Variants in CWC27 observed in about 807,000 individuals in gnomAD.
CWC27 encodes the protein spliceosome-associated protein CWC27 homolog.
Under a neutral mutation model 63.6 loss-of-function variants are expected in CWC27, and 47 were observed. The observed-to-expected ratio is 0.74, with a 90% CI of 0.58 to 0.94. The LOEUF (loss-of-function observed/expected upper bound fraction) is 0.94, where lower values mean the gene tolerates loss of function less well. CWC27 is among the 40% of genes least tolerant of loss of function. The pLI is 0.00. For missense variants in CWC27, 495 were observed against 554.3 expected (o/e 0.89, Z 1.07); for synonymous variants, 175 against 179.8 (o/e 0.97, Z 0.22).
chr5:64,877,237 A>G (rs1328374368), intron 10 of CWC27, among the ~76,000 whole-genome samples: 1 of 152,088 alleles, frequency 6.6e-6, no homozygotes, highest in Non-Finnish European at 1.5e-5. Context: ...TGGCCATAAA[A>G]GGATGAAATC....
chr5:64,794,419 G>A (rs1237882057), intron 7 of CWC27, among the ~76,000 whole-genome samples: 1 of 152,060 alleles, frequency 6.6e-6, no homozygotes, highest in Admixed American at 6.6e-5. Context: ...CAGCTGAATA[G>A]GTATGACATA....
chr5:64,926,014 G>T (rs1437226676), intron 11 of CWC27, among the ~76,000 whole-genome samples: 1 of 152,110 alleles, frequency 6.6e-6, no homozygotes, highest in Non-Finnish European at 1.5e-5. Context: ...AAAAGATATG[G>T]TTGCTGATTC....
intron 11 of CWC27, among the ~76,000 whole-genome samples, chr5:64,929,724 G>A (rs564534022): frequency 1.3e-4 from 20 of 151,994 alleles, no homozygotes; most frequent in African/African-American, 4.3e-4. Context: ...CAACAAGTAT[G>A]GGCAAGGACG....
intron 10 of CWC27, among the ~76,000 whole-genome samples, chr5:64,878,142 G>T (rs1746841666): frequency 6.6e-6 from 1 of 151,778 alleles, no homozygotes; most frequent in African/African-American, 2.4e-5. Context: ...AGAATTAATT[G>T]CCTTTTCATG....
At chr5:64,967,233 AC>A (rs1749033114) in intron 11 of CWC27, among the ~76,000 whole-genome samples, 1 of 152,166 alleles carries the variant, frequency 6.6e-6, no homozygotes, top group East Asian at 1.9e-4. Flanking sequence ...CCTATCTCAC[AC>A]CAGCACCATG....
At chr5:64,850,292 A>G (rs1746104765) in intron 10 of CWC27, among the ~76,000 whole-genome samples, 1 of 152,090 alleles carries the variant, frequency 6.6e-6, no homozygotes, top group Admixed American at 6.6e-5. Context: ...CCATGCATGT[A>G]TGATCAATTG....
At chr5:64,918,812 A>G (rs962738605) in intron 11 of CWC27, among the ~76,000 whole-genome samples, 2 of 152,138 alleles carry the variant, frequency 1.3e-5, no homozygotes, top group African/African-American at 4.8e-5. Flanking sequence ...TGTTACTGCT[A>G]TGTTCTATGG....
chr5:64,862,255 A>G, intron 10 of CWC27, among the ~76,000 whole-genome samples: 1 of 152,186 alleles, frequency 6.6e-6, no homozygotes, highest in South Asian at 2.1e-4. Context: ...TTGCTGACAC[A>G]GCCACACTGC....
chr5:64,849,727 G>A (rs1008517655), intron 10 of CWC27, among the ~76,000 whole-genome samples: 7 of 152,106 alleles, frequency 4.6e-5, no homozygotes, highest in Admixed American at 6.5e-5. Context: ...GATCATGGGG[G>A]AGGTTTTGCC....
At chr5:64,856,257 A>T (rs1746256166) in intron 10 of CWC27, among the ~76,000 whole-genome samples, 1 of 152,084 alleles carries the variant, frequency 6.6e-6, no homozygotes, top group African/African-American at 2.4e-5. Flanking sequence ...AAATGGTAAT[A>T]CACTTATATT....
At chr5:64,932,352 A>G (rs1472896160) in intron 11 of CWC27, among the ~76,000 whole-genome samples, 3 of 151,934 alleles carry the variant, frequency 2.0e-5, no homozygotes, top group African/African-American at 7.3e-5. Context: ...TCAATGGCCA[A>G]TAGGACTTTT....
chr5:64,967,703 A>C (rs1343092472), intron 11 of CWC27, among the ~76,000 whole-genome samples: 1 of 152,028 alleles, frequency 6.6e-6, no homozygotes, highest in Non-Finnish European at 1.5e-5. Flanking sequence ...TAATATTGGA[A>C]CACTTGATGT....
chr5:64,854,649 G>A (rs1057152443), intron 10 of CWC27, among the ~76,000 whole-genome samples: 1 of 152,174 alleles, frequency 6.6e-6, no homozygotes, highest in Non-Finnish European at 1.5e-5. Context: ...TATTAATACA[G>A]TCTATGTTCT....
chr5:64,974,529 A>G (rs530460774), intron 12 of CWC27, among the ~76,000 whole-genome samples: 4 of 152,280 alleles, frequency 2.6e-5, no homozygotes, highest in South Asian at 2.1e-4. Context: ...ACCAGCCCCC[A>G]TGATTCAATT....
At chr5:64,817,698 A>G (rs1745081072) in intron 10 of CWC27, among the ~76,000 whole-genome samples, 2 of 152,114 alleles carry the variant, frequency 1.3e-5, no homozygotes, top group Non-Finnish European at 2.9e-5. Context: ...GCTTTTTGCT[A>G]GTTTTGATAT....
Position 64,780,078 on chromosome 5 carries a change from C to T in CWC27, c.140-1843C>T, listed in dbSNP as rs150687619. On this transcript the variant is annotated intron_variant, in intron 2 of 13. Transcript: ENST00000381070. The stretch of plus-strand genomic sequence containing the variant: ...GACTAATATACCCCTCCTCCACCCA[C>T]AGCCCCCAGCAACCACCAATCTATT... 2.3e-3 allele frequency among the ~76,000 whole-genome samples: 356 copies of T among 152,276 alleles called. 1 individual carries two copies. Among genetic ancestry groups the T allele is most frequent in the African/African-American group, 8.3e-3 (343 of 41,550 alleles).
chr5:65,008,011 A>G (rs1749882855), intron 13 of CWC27, among the ~76,000 whole-genome samples: 2 of 152,210 alleles, frequency 1.3e-5, no homozygotes, highest in African/African-American at 2.4e-5. Context: ...TGCCTGCTTA[A>G]AGGCCCTATC....
intron 11 of CWC27, among the ~76,000 whole-genome samples, chr5:64,898,894 G>T (rs541863767): frequency 1.3e-5 from 2 of 152,248 alleles, no homozygotes; most frequent in African/African-American, 4.8e-5. Context: ...CAACGGGGAA[G>T]AGGAAAGAGC....
chr5:64,907,753 G>A (rs966854678), intron 11 of CWC27, among the ~76,000 whole-genome samples: 1 of 152,140 alleles, frequency 6.6e-6, no homozygotes, highest in Non-Finnish European at 1.5e-5. Context: ...GTTTTCAAAG[G>A]GAATGCTTCC....
Sources: gnomAD v4.1 joint callset for allele counts (sites outside exome capture counted in the v4.1 genomes callset) on GRCh38, gnomAD v4.1.1 for gene constraint, MANE v1.5 for transcripts, NCBI Gene and HGNC (gene_info 2026-07-23, HGNC 2026-07-21) for gene names.